Variants in CSMD1 observed in about 807,000 individuals in gnomAD.
CSMD1 encodes CUB and Sushi multiple domains 1.
Under a neutral mutation model 417.5 loss-of-function variants are expected in CSMD1, and 213 were observed. That is an observed-to-expected ratio of 0.51 (90% CI 0.46 to 0.57). The LOEUF (loss-of-function observed/expected upper bound fraction) is 0.57. CSMD1 is among the 20% of genes least tolerant of loss of function. CSMD1 has a pLI of 0.00. For synonymous variants in CSMD1, 2,862 were observed against 1,736.8 expected (o/e 1.65, Z -16.11); for missense variants, 6,923 against 4,529.7 (o/e 1.53, Z -15.17).
chr8:4,369,369 T>C (rs575656958), intron 3 of CSMD1, among the ~76,000 whole-genome samples: 22 of 152,312 alleles, frequency 1.4e-4, no homozygotes, highest in Non-Finnish European at 2.4e-4. Context: ...AAGCATGTGG[T>C]TGATCTTAGA....
intron 1 of CSMD1, among the ~76,000 whole-genome samples, chr8:4,993,249 A>C (rs1382868332): frequency 6.6e-6 from 1 of 152,240 alleles, no homozygotes; most frequent in Non-Finnish European, 1.5e-5. Context: ...ATGAAACGAA[A>C]GAAAAACCCT....
intron 41 of CSMD1, among the ~76,000 whole-genome samples, chr8:3,120,849 T>A (rs1209933761): frequency 6.6e-6 from 1 of 151,918 alleles, no homozygotes; most frequent in Non-Finnish European, 1.5e-5. Flanking sequence ...CCATCACAAA[T>A]AAATAAATAA....
intron 10 of CSMD1, among the ~76,000 whole-genome samples, chr8:3,522,741 C>G (rs988101307): frequency 1.3e-5 from 2 of 151,916 alleles, no homozygotes; most frequent in African/African-American, 4.8e-5. Context: ...ATGTGGCATT[C>G]GGGAACTACA....
intron 25 of CSMD1, among the ~76,000 whole-genome samples, chr8:3,295,239 C>G (rs112321890): frequency 0.018 from 2,677 of 152,086 alleles, 73 homozygotes; most frequent in African/African-American, 0.06. Context: ...ATTCTCCTGC[C>G]TCAGCCTCCC....
chr8:4,624,789 A>C (rs1802001343), intron 2 of CSMD1, among the ~76,000 whole-genome samples: 2 of 152,144 alleles, frequency 1.3e-5, no homozygotes, highest in Admixed American at 6.5e-5. Context: ...TTGTGACCCT[A>C]GTCAAGTCCA....
In CSMD1 at chr8:2,938,673, T is replaced by A. The variant is rs1165388002; in HGVS notation, c.10607A>T (p.Asn3536Ile). Residue 3536 changes from asparagine to isoleucine, a missense_variant, in exon 70 of 70, where the codon AAC (asparagine) becomes ATC (isoleucine). Asn to Ile is a moderately radical substitution (Grantham distance 149). Transcript: ENST00000635120. The part of the protein sequence containing the change: ...ENSNGQASFE[N>I]PMYDTNLKPT... Reference sequence around the variant, plus strand: ...TTTTAAGTTTGTATCATACATGGGGTTTTCAAACGATGCTTGTCCATTGCT... The same window carrying A: ...TTTTAAGTTTGTATCATACATGGGGATTTCAAACGATGCTTGTCCATTGCT... The A allele has an allele frequency of 6.2e-7, 1 of 1,611,506 alleles. No individual in the cohort carries two copies. The highest frequency in any genetic ancestry group is 1.3e-5 in the African/African-American group (1 of 74,846).
At chr8:4,852,735 T>C (rs556503360) in intron 1 of CSMD1, among the ~76,000 whole-genome samples, 10 of 152,222 alleles carry the variant, frequency 6.6e-5, no homozygotes, top group South Asian at 6.2e-4. Flanking sequence ...ACTGGTTAAG[T>C]GGTTATAACC....
intron 52 of CSMD1, among the ~76,000 whole-genome samples, chr8:3,005,145 T>C (rs1372988277): frequency 6.6e-6 from 1 of 151,998 alleles, no homozygotes; most frequent in Admixed American, 6.6e-5. Context: ...TCTCAAAAGA[T>C]AATAAAAACA....
intron 8 of CSMD1, among the ~76,000 whole-genome samples, chr8:3,602,252 T>G (rs942278971): frequency 6.6e-6 from 1 of 152,160 alleles, no homozygotes; most frequent in Non-Finnish European, 1.5e-5. Flanking sequence ...AACTGGAGTG[T>G]GTTTAATTGC....
intron 8 of CSMD1, among the ~76,000 whole-genome samples, chr8:3,597,420 A>G (rs201814825): frequency 1.6e-5 from 1 of 64,278 alleles, no homozygotes; most frequent in Non-Finnish European, 2.6e-5. Context: ...AAAGTAGGGA[A>G]CTACTTTCAA....
At chr8:3,093,087 A>G (rs895811986) in intron 47 of CSMD1, among the ~76,000 whole-genome samples, 7 of 152,074 alleles carry the variant, frequency 4.6e-5, no homozygotes, top group African/African-American at 1.7e-4. Flanking sequence ...GTCCCCCTCA[A>G]ATTTACACAT....
intron 36 of CSMD1, 61 bp from the exon 37 acceptor site, chr8:3,181,275 A>G (rs1425762014): frequency 4.3e-5 from 49 of 1,128,948 alleles, no homozygotes; most frequent in Non-Finnish European, 6.3e-5. Context: ...TTCTAAATAT[A>G]AAACATATGA....
intron 3 of CSMD1, among the ~76,000 whole-genome samples, chr8:4,341,918 A>G (rs750002901): frequency 3.9e-5 from 6 of 152,118 alleles, no homozygotes; most frequent in Non-Finnish European, 8.8e-5. Context: ...ATCTGTACTT[A>G]GAATTAGTAC....
At chr8:3,626,511 T>C (rs928269641) in intron 7 of CSMD1, among the ~76,000 whole-genome samples, 2 of 152,036 alleles carry the variant, frequency 1.3e-5, no homozygotes, top group Non-Finnish European at 2.9e-5. Context: ...TAGTTATAGT[T>C]AAACATAATG....
chr8:4,718,977 A>G (rs1013564993), intron 1 of CSMD1, among the ~76,000 whole-genome samples: 1 of 152,182 alleles, frequency 6.6e-6, no homozygotes, highest in East Asian at 1.9e-4. Context: ...TATTGATATG[A>G]AAAACTTTGA....
intron 3 of CSMD1, among the ~76,000 whole-genome samples, chr8:4,329,398 C>A (rs545157334): frequency 6.6e-6 from 1 of 152,044 alleles, no homozygotes; most frequent in Non-Finnish European, 1.5e-5. Context: ...AAGTGATTCT[C>A]CCACCGCAGC....
At chr8:4,654,403 G>T (rs942485951) in intron 1 of CSMD1, among the ~76,000 whole-genome samples, 17 of 152,142 alleles carry the variant, frequency 1.1e-4, no homozygotes, top group Admixed American at 5.2e-4. Flanking sequence ...TCTATTCTGG[G>T]GAAGTAGAGC....
At position 3,362,064 on chromosome 8, in the gene CSMD1, C is replaced by T. The variant is rs1441718482; in HGVS notation, c.3116-2724G>A. Among the ~76,000 whole-genome samples the T allele has an allele frequency of 4.6e-5, 7 of 152,070 alleles. No individual in the cohort carries two copies. The East Asian group carries it at 1.2e-3, about 25-fold the overall frequency. On this transcript the variant is annotated intron_variant, in intron 20 of 69. Transcript: ENST00000635120. Reference sequence around the variant, plus strand: ...AAAGATTTTGTTCTTGGAGTTTATCCTTTTTTTCCCCCTTCATCAATTCTC... The same window carrying T: ...AAAGATTTTGTTCTTGGAGTTTATCTTTTTTTTCCCCCTTCATCAATTCTC...
chr8:3,378,208 G>A (rs188654968), intron 18 of CSMD1, among the ~76,000 whole-genome samples: 12 of 152,254 alleles, frequency 7.9e-5, no homozygotes, highest in African/African-American at 2.6e-4. Context: ...GGAAGAAGTC[G>A]AATCCCTGAA....
Sources: gnomAD v4.1 joint callset for allele counts (sites outside exome capture counted in the v4.1 genomes callset) on GRCh38, gnomAD v4.1.1 for gene constraint, MANE v1.5 for transcripts, NCBI Gene and HGNC (gene_info 2026-07-23, HGNC 2026-07-21) for gene names.